The following PODXL2 variants were observed in gnomAD, a reference collection of about 807,000 sequenced individuals.
The protein encoded by PODXL2 is podocalyxin-like protein 2.
Under a neutral mutation model 53.4 loss-of-function variants are expected in PODXL2, and 17 were observed. That is an observed-to-expected ratio of 0.32 (90% CI 0.22 to 0.48). The LOEUF (loss-of-function observed/expected upper bound fraction) is 0.48, where lower values mean the gene tolerates loss of function less well. PODXL2 is among the 20% of genes least tolerant of loss of function. The pLI, the probability that PODXL2 is intolerant of heterozygous loss-of-function variation, is 0.99. For synonymous variants in PODXL2, 311 were observed against 306.7 expected, an observed-to-expected ratio of 1.01 and a Z score of -0.15; for missense variants, 673 against 760.0, an observed-to-expected ratio of 0.89 and a Z score of 1.35.
At chr3:127,669,802 C>T (rs991975416) in intron 6 of PODXL2, among the ~76,000 whole-genome samples, 1 of 152,222 alleles carries the variant, frequency 6.6e-6, no homozygotes, top group Non-Finnish European at 1.5e-5. Context: ...ATCAACCTCT[C>T]CTACCCAGCT....
chr3:127,654,377 T>C (rs1442368619), intron 2 of PODXL2, among the ~76,000 whole-genome samples: 2 of 152,170 alleles, frequency 1.3e-5, no homozygotes, highest in Admixed American at 1.3e-4. Flanking sequence ...GCCTGGCTTC[T>C]TCACTCTTTA....
intron 4 of PODXL2, among the ~76,000 whole-genome samples, chr3:127,664,591 T>C (rs1193208597): frequency 6.6e-6 from 1 of 152,178 alleles, no homozygotes; most frequent in African/African-American, 2.4e-5. Flanking sequence ...TGTTTTTCGC[T>C]ATGAGTATAC....
chr3:127,668,354 G>T, intron 4 of PODXL2, 87 bp from the exon 5 acceptor site: 1 of 1,205,160 alleles, frequency 8.3e-7, no homozygotes, highest in Non-Finnish European at 1.1e-6. Flanking sequence ...AGGGTTGAGG[G>T]TGAGTACGGG....
intron 2 of PODXL2, among the ~76,000 whole-genome samples, chr3:127,644,300 G>C (rs1220547501): frequency 6.6e-6 from 1 of 151,846 alleles, no homozygotes. Flanking sequence ...AGTAGAGGTG[G>C]GTTTTACCGT....
intron 2 of PODXL2, among the ~76,000 whole-genome samples, chr3:127,644,780 A>C (rs961458577): frequency 6.6e-6 from 1 of 152,196 alleles, no homozygotes; most frequent in African/African-American, 2.4e-5. Context: ...AGGTGGAGAT[A>C]CCAATCACCC....
At chr3:127,669,302 G>A in intron 6 of PODXL2, 100 bp downstream of exon 6, 3 of 828,672 alleles carry the variant, frequency 3.6e-6, no homozygotes, top group Non-Finnish European at 4.0e-6. Context: ...GAGGTTCAAA[G>A]GAGTATAAGA....
chr3:127,649,604 C>T (rs1486044996), intron 2 of PODXL2, among the ~76,000 whole-genome samples: 1 of 152,182 alleles, frequency 6.6e-6, no homozygotes, highest in Non-Finnish European at 1.5e-5. Context: ...TTGCAGTTTA[C>T]TTTATATTCC....
At position 127,639,422 on chromosome 3, in the gene PODXL2, G is replaced by A. The variant is rs1172622093; in HGVS notation, c.248G>A (p.Ser83Asn). The change falls in exon 2 of 8, where the codon AGC (serine) becomes AAC (asparagine). Residue 83 changes from serine to asparagine, a missense_variant. Ser to Asn is a conservative substitution (Grantham distance 46). Transcript: ENST00000342480. The part of the protein sequence containing the change: ...GLGAPGSGFP[S>N]EENEESRILQ... ...GGAGCCCCTGGCTCAGGCTTCCCCA[G>A]CGAAGAGAATGAAGAGTCTCGGATT... 6.2e-7 allele frequency: 1 copy of A among 1,614,290 alleles called. No individual in the cohort carries two copies. Among genetic ancestry groups the A allele is most frequent in the Middle Eastern group, 1.6e-4 (1 of 6,062 alleles).
chr3:127,643,828 A>G (rs1279214562), intron 2 of PODXL2, among the ~76,000 whole-genome samples: 3 of 151,184 alleles, frequency 2.0e-5, no homozygotes, highest in East Asian at 2.0e-4. Flanking sequence ...TTGTAGAGAC[A>G]GGGTTTTGCC....
At chr3:127,633,774 T>G (rs1030839817) in intron 1 of PODXL2, among the ~76,000 whole-genome samples, 1 of 151,954 alleles carries the variant, frequency 6.6e-6, no homozygotes, top group South Asian at 2.1e-4. Flanking sequence ...AGTAGTTTGT[T>G]GAGAAGGCTG....
intron 4 of PODXL2, among the ~76,000 whole-genome samples, chr3:127,667,345 G>A (rs1309765835): frequency 1.3e-5 from 2 of 152,364 alleles, no homozygotes; most frequent in South Asian, 2.1e-4. Context: ...TGAGATGCTC[G>A]TGCCTCCCAG....
chr3:127,663,601 A>G (rs1345035041), intron 4 of PODXL2, among the ~76,000 whole-genome samples: 2 of 152,146 alleles, frequency 1.3e-5, no homozygotes, highest in Non-Finnish European at 2.9e-5. Flanking sequence ...TGCAGTTATT[A>G]TTTTTACTGA....
At chr3:127,668,308 A>T in intron 4 of PODXL2, 133 bp from the exon 5 acceptor site, 1 of 739,018 alleles carries the variant, frequency 1.4e-6, no homozygotes, top group Non-Finnish European at 2.0e-6. Flanking sequence ...GAGGGTCTCC[A>T]GAGTTGACCA....
chr3:127,629,284 T>G lies in PODXL2; in HGVS notation c.65T>G (p.Val22Gly), dbSNP rs1181590106. Residue 22 changes from valine to glycine, a missense_variant, in exon 1 of 8, where the codon GTT becomes GGT. Around this residue, in one of 3 missense-constraint regions of PODXL2, gnomAD observed 588 missense variants for 668.3 expected, o/e 0.88. Coordinates refer to ENST00000342480, the MANE Select transcript of PODXL2 (RefSeq NM_015720.4). The surrounding 1 kb of genome is among the most constrained non-coding windows in gnomAD (Gnocchi z 6.4). ...PLLSPLLLLL[V>G]GGAFLGACVA... is the part of the protein sequence containing the mutation. ...CTTTCGCCGCTGCTGCTTCTGCTGG[T>G]TGGGGGTGAGTGCGCTCCGGGCCCG... The G allele has an allele frequency of 7.5e-5, 76 of 1,006,732 alleles. No individual in the cohort carries two copies. In the African/African-American group the frequency reaches 8.0e-4, roughly 11 times the overall value. 62.4% of individuals were successfully genotyped at this position (1,006,732 alleles called of 1,614,324 possible). A position where few individuals can be genotyped will look rare whatever the true frequency, so the allele number is the denominator to read the frequency against.
Position 127,672,656 on chromosome 3 carries a change from C to T in PODXL2, c.*176C>T. On this transcript the variant is annotated 3_prime_UTR_variant, in exon 8 of 8. Coordinates refer to ENST00000342480, the MANE Select transcript of PODXL2 (RefSeq NM_015720.4). ...TTCACACGGCGGCTTCGGACCAACTCCCTCACTCCCGCCCGAGGGGCAGGC... is the reference window on the plus strand; with the variant it reads ...TTCACACGGCGGCTTCGGACCAACTTCCTCACTCCCGCCCGAGGGGCAGGC... 1 of 485,324 alleles carries T rather than the reference C, an allele frequency of 2.1e-6. No homozygotes were observed. Among genetic ancestry groups the T allele is most frequent in the Non-Finnish European group, 3.5e-6 (1 of 281,834 alleles). 30.1% of individuals were successfully genotyped at this position (485,324 alleles called of 1,614,324 possible). A position where few individuals can be genotyped will look rare whatever the true frequency, so the allele number is the denominator to read the frequency against.
At chr3:127,671,800 G>T (rs992249287) in intron 7 of PODXL2, among the ~76,000 whole-genome samples, 187 bp downstream of exon 7, 3 of 152,228 alleles carry the variant, frequency 2.0e-5, no homozygotes, top group African/African-American at 7.2e-5. Context: ...TGCCAGAGGT[G>T]CAGGGAGTGA....
At chr3:127,634,680 C>T (rs1037727475) in intron 1 of PODXL2, among the ~76,000 whole-genome samples, 10 of 152,080 alleles carry the variant, frequency 6.6e-5, no homozygotes, top group African/African-American at 1.4e-4. Flanking sequence ...GAGCCAAGAA[C>T]GCGCCATTGC....
chr3:127,667,821 A>G (rs1465946445), intron 4 of PODXL2, among the ~76,000 whole-genome samples: 2 of 151,994 alleles, frequency 1.3e-5, no homozygotes, highest in South Asian at 2.1e-4. Context: ...TCTGGCCTCC[A>G]CCGCCTACAC....
intron 1 of PODXL2, 101 bp from the exon 2 acceptor site, chr3:127,639,144 C>G: frequency 1.6e-6 from 2 of 1,220,320 alleles, no homozygotes; most frequent in South Asian, 3.1e-5. Context: ...TGAAGTCCCC[C>G]CTTCCCCAGG....
Sources: gnomAD v4.1 joint callset for allele counts (sites outside exome capture counted in the v4.1 genomes callset) on GRCh38, gnomAD v4.1.1 for gene constraint, gnomAD v4.1.1 regional missense constraint, Gnocchi (gnomAD v3.1) non-coding constraint, MANE v1.5 for transcripts, NCBI Gene and HGNC (gene_info 2026-07-23, HGNC 2026-07-21) for gene names.